ATRNL1: variants seen among roughly 807,000 people sequenced by gnomAD.
ATRNL1 encodes attractin-like protein 1.
A neutral mutation model predicts 182.7 loss-of-function variants in ATRNL1; 95 were observed. The observed-to-expected ratio is 0.52, with a 90% confidence interval of 0.44 to 0.62. ATRNL1 has a LOEUF of 0.62. ATRNL1 is among the 20% of genes least tolerant of loss of function. The probability of loss-of-function intolerance (pLI) is 0.00; values close to 1 mark genes in which losing one functional copy is unlikely to be tolerated. For missense variants in ATRNL1, 1,471 were observed against 1,679.5 expected (o/e 0.88, Z 2.17); for synonymous variants, 576 against 568.3 (o/e 1.01, Z -0.19).
At chr10:115,400,828 G>A (rs677146) in intron 20 of ATRNL1, among the ~76,000 whole-genome samples, 55,818 of 151,782 alleles carry the variant, frequency 0.37, 11,127 homozygotes, top group African/African-American at 0.52. Flanking sequence ...TTGAGGCTAT[G>A]TGTGTCATTG....
At chr10:115,926,436 A>T (rs191034847) in intron 28 of ATRNL1, among the ~76,000 whole-genome samples, 1 of 152,268 alleles carries the variant, frequency 6.6e-6, no homozygotes, top group African/African-American at 2.4e-5. Flanking sequence ...AGATAGAGAC[A>T]CAAAAAAAAC....
chr10:115,472,995 T>C (rs1848374539), intron 24 of ATRNL1, among the ~76,000 whole-genome samples: 1 of 151,228 alleles, frequency 6.6e-6, no homozygotes, highest in South Asian at 2.1e-4. Flanking sequence ...GTGTTCTTTA[T>C]TGTGTTGAGG....
intron 26 of ATRNL1, among the ~76,000 whole-genome samples, chr10:115,682,705 A>G (rs1262599793): frequency 2.7e-5 from 4 of 148,622 alleles, no homozygotes; most frequent in Non-Finnish European, 5.9e-5. Context: ...TGATGATAGA[A>G]GAGCCAGCCA....
At chr10:115,855,645 C>T (rs189238017) in intron 28 of ATRNL1, among the ~76,000 whole-genome samples, 31 of 152,148 alleles carry the variant, frequency 2.0e-4, no homozygotes, top group Admixed American at 4.6e-4. Flanking sequence ...GTATACTTTA[C>T]GATGTAAAGT....
intron 27 of ATRNL1, among the ~76,000 whole-genome samples, chr10:115,786,095 T>C (rs1050005830): frequency 6.6e-6 from 1 of 152,216 alleles, no homozygotes; most frequent in Admixed American, 6.5e-5. Flanking sequence ...CCTCATTCCT[T>C]TTTGAACCCT....
intron 26 of ATRNL1, among the ~76,000 whole-genome samples, chr10:115,725,330 T>C (rs936750690): frequency 3.3e-5 from 5 of 152,154 alleles, no homozygotes; most frequent in Non-Finnish European, 4.4e-5. Flanking sequence ...TAGATTACAG[T>C]CCATGGAACT....
intron 21 of ATRNL1, among the ~76,000 whole-genome samples, chr10:115,446,437 T>G (rs1846992924): frequency 1.3e-5 from 2 of 152,018 alleles, no homozygotes; most frequent in South Asian, 4.1e-4. Flanking sequence ...TATCTCATCT[T>G]TCATCTTTAA....
At chr10:115,906,281 T>G (rs1555114521) in intron 28 of ATRNL1, among the ~76,000 whole-genome samples, 1 of 152,228 alleles carries the variant, frequency 6.6e-6, no homozygotes, top group Non-Finnish European at 1.5e-5. Flanking sequence ...AACTACTGGC[T>G]TGGCGAAAGT....
At chr10:115,485,505 C>T (rs1310233190) in intron 24 of ATRNL1, among the ~76,000 whole-genome samples, 3 of 151,952 alleles carry the variant, frequency 2.0e-5, no homozygotes, top group Non-Finnish European at 1.5e-5. Context: ...AACATCCAGT[C>T]TCTCAACATT....
At chr10:115,798,169 G>A (rs1555083468) in intron 27 of ATRNL1, among the ~76,000 whole-genome samples, 1 of 151,982 alleles carries the variant, frequency 6.6e-6, no homozygotes, top group South Asian at 2.1e-4. Flanking sequence ...CGCCCACCTC[G>A]GCCTCCCCAA....
chr10:115,651,118 C>T (rs1555034213), intron 26 of ATRNL1, among the ~76,000 whole-genome samples: 2 of 152,082 alleles, frequency 1.3e-5, no homozygotes, highest in East Asian at 1.9e-4. Flanking sequence ...CTATTGGCCA[C>T]GACTTAGTTT....
intron 8 of ATRNL1, among the ~76,000 whole-genome samples, chr10:115,211,761 C>G (rs529485070): frequency 7.4e-6 from 1 of 135,014 alleles, no homozygotes; most frequent in Admixed American, 7.6e-5. Flanking sequence ...ATCCCTCCCC[C>G]CTCCCCTCAC....
chr10:115,389,550 A>ATATATGTG (rs1554953819), intron 19 of ATRNL1, among the ~76,000 whole-genome samples: 1 of 54,786 alleles, frequency 1.8e-5, no homozygotes, highest in African/African-American at 6.3e-5. Flanking sequence ...GTATATATAT[A>ATATATGTG]TATATATATA....
chr10:115,215,220 TA>T (rs1421491021), intron 8 of ATRNL1, among the ~76,000 whole-genome samples: 1 of 152,164 alleles, frequency 6.6e-6, no homozygotes, highest in Non-Finnish European at 1.5e-5. Context: ...CAAAGGACTT[TA>T]TAAAAAGGAA....
intron 25 of ATRNL1, among the ~76,000 whole-genome samples, chr10:115,547,943 T>TA (rs1221640908): frequency 1.3e-5 from 2 of 152,172 alleles, no homozygotes; most frequent in African/African-American, 4.8e-5. Context: ...ACTGACTTTT[T>TA]AAAAAATAGA....
At chr10:115,658,963 C>T (rs1860507665) in intron 26 of ATRNL1, among the ~76,000 whole-genome samples, 1 of 152,134 alleles carries the variant, frequency 6.6e-6, no homozygotes, top group African/African-American at 2.4e-5. Context: ...AGAGCTGGGC[C>T]ATGGGGGAAG....
rs1387292163 is a variant in ATRNL1, at chr10:115,352,986, G to A, written c.3175+18567G>A. Among the ~76,000 whole-genome samples the A allele has an allele frequency of 2.0e-5, 3 of 152,352 alleles. 1 individual carries two copies. The highest frequency in any genetic ancestry group is 4.4e-5 in the Non-Finnish European group (3 of 68,030). On this transcript the variant is annotated intron_variant, in intron 19 of 28. Coordinates refer to ENST00000355044, the MANE Select transcript of ATRNL1 (RefSeq NM_207303.4). ...TTGAGACTATCTTCCTGGCCTAAGA[G>A]ATGGTCTGTCCTCAAGAATATTCCA...
At chr10:115,182,346 GATAC>G (rs1252034185) in intron 8 of ATRNL1, among the ~76,000 whole-genome samples, 3 of 151,316 alleles carry the variant, frequency 2.0e-5, no homozygotes, top group Non-Finnish European at 4.4e-5. Context: ...CACTATGAAA[GATAC>G]ATACACAAAG....
chr10:115,547,434 A>G (rs1341492677), intron 25 of ATRNL1, among the ~76,000 whole-genome samples: 1 of 152,046 alleles, frequency 6.6e-6, no homozygotes, highest in Non-Finnish European at 1.5e-5. Flanking sequence ...CTTGAAACTA[A>G]GAAATCTTTT....
Sources: gnomAD v4.1 joint callset for allele counts (sites outside exome capture counted in the v4.1 genomes callset) on GRCh38, gnomAD v4.1.1 for gene constraint, MANE v1.5 for transcripts, NCBI Gene and HGNC (gene_info 2026-07-23, HGNC 2026-07-21) for gene names.